PDS5A: variants seen among roughly 807,000 people sequenced by gnomAD.
PDS5A encodes the protein sister chromatid cohesion protein PDS5 homolog A.
Under a neutral mutation model 167.1 loss-of-function variants are expected in PDS5A, and 42 were observed. The observed-to-expected ratio is 0.25, with a 90% confidence interval of 0.20 to 0.33. The LOEUF (loss-of-function observed/expected upper bound fraction) is 0.33, where lower values mean the gene tolerates loss of function less well. Ranked by LOEUF, PDS5A falls within the 10% of genes least tolerant of loss-of-function variation. PDS5A has a pLI of 1.00. For synonymous variants in PDS5A, 553 were observed against 554.6 expected (o/e 1.00, Z 0.04); for missense variants, 1,033 against 1,605.9 (o/e 0.64, Z 6.10).
chr4:39,882,120 ACT>A (rs996839420), intron 17 of PDS5A, among the ~76,000 whole-genome samples: 2 of 152,092 alleles, frequency 1.3e-5, no homozygotes, highest in African/African-American at 4.8e-5. Context: ...ACAGAGCCAG[ACT>A]CTGTCTCAAA....
chr4:39,974,429 T>C (rs1170104869), intron 2 of PDS5A: 1 of 314,226 alleles, frequency 3.2e-6, no homozygotes, highest in Non-Finnish European at 6.2e-6. Context: ...GATCCATCAA[T>C]TGTTTAAGTT....
chr4:39,835,238 C>T (rs1716282571), intron 32 of PDS5A, among the ~76,000 whole-genome samples: 1 of 152,122 alleles, frequency 6.6e-6, no homozygotes, highest in Non-Finnish European at 1.5e-5. Flanking sequence ...AGCCACCGCA[C>T]CTGGCCATAA....
chr4:39,922,234 G>A (rs529585671), intron 6 of PDS5A, among the ~76,000 whole-genome samples: 2 of 152,236 alleles, frequency 1.3e-5, no homozygotes, highest in Non-Finnish European at 2.9e-5. Context: ...CTAAGAAAAA[G>A]GTACGATACG....
chr4:39,928,200 C>A (rs1162059164), intron 2 of PDS5A, 36 bp from the exon 3 acceptor site: 3 of 1,384,742 alleles, frequency 2.2e-6, no homozygotes. Flanking sequence ...ATAATTAACT[C>A]CTGGAATTTA....
chr4:39,931,797 T>G (rs576702221), intron 2 of PDS5A, among the ~76,000 whole-genome samples: 1 of 152,118 alleles, frequency 6.6e-6, no homozygotes, highest in Non-Finnish European at 1.5e-5. Flanking sequence ...ATAAGGATCA[T>G]TCAGAGCTAT....
chr4:39,885,323 C>T (rs979980459), intron 17 of PDS5A, among the ~76,000 whole-genome samples: 5 of 147,602 alleles, frequency 3.4e-5, no homozygotes, highest in African/African-American at 1.0e-4. Flanking sequence ...AAAAAAACTT[C>T]GGCATGGTGG....
rs540144174 is a variant in PDS5A, at chr4:39,967,946, AC to A, written c.138+8493del. 4.6e-5 allele frequency among the ~76,000 whole-genome samples: 7 copies of A among 152,184 alleles called. No individual in the cohort carries two copies. The East Asian group carries it at 9.7e-4, about 21-fold the overall frequency. ...ACAAACAAACAAACAAACAAAAAAAACACCAATAATTATCAAGGCCCTCTTA... is the reference window on the plus strand; with the variant it reads ...ACAAACAAACAAACAAACAAAAAAAAACCAATAATTATCAAGGCCCTCTTA... On this transcript the variant is annotated intron_variant, in intron 2 of 32. Coordinates refer to ENST00000303538, the MANE Select transcript of PDS5A (RefSeq NM_001100399.2).
At chr4:39,955,414 C>G (rs1000144311) in intron 2 of PDS5A, among the ~76,000 whole-genome samples, 1 of 151,828 alleles carries the variant, frequency 6.6e-6, no homozygotes, top group Non-Finnish European at 1.5e-5. Flanking sequence ...CCAGCCTGAC[C>G]AACATGGTGA....
chr4:39,845,864 T>C lies in PDS5A; in HGVS notation c.3356A>G (p.Lys1119Arg). 1 of 1,388,444 alleles carries C rather than the reference T, an allele frequency of 7.2e-7. No homozygotes were observed. The allele number at this position is 1,388,444 out of a possible 1,614,324, so 86.0% of individuals were successfully genotyped here. ...TQPEKDFCND[K>R]SYISEETRVL... ...TCTTGTCTCTTCTGAAATATAACTC[T>C]TATCGTTACAGAAGTCCTATTAAAA... Residue 1119 changes from lysine (K) to arginine (R), a missense_variant, in exon 29 of 33, where the codon AAG becomes AGG. This residue lies in a region of PDS5A where 233 missense variants were observed against 264.0 expected (regional missense o/e 0.88). Transcript: ENST00000303538.
chr4:39,862,274 G>A lies in PDS5A; in HGVS notation c.3031C>T (p.His1011Tyr). ...VVPYMIHLLA[H>Y]DPDFTRSQDV... Reference sequence around the variant, plus strand: ...TGTGATCTTGTAAAATCTGGATCATGGGCTAGCAGGTGAATCATGTATGGA... The same window carrying A: ...TGTGATCTTGTAAAATCTGGATCATAGGCTAGCAGGTGAATCATGTATGGA... The change falls in exon 26 of 33, where the codon CAT becomes TAT. Residue 1011 changes from histidine to tyrosine, a missense_variant. His to Tyr is a moderately conservative substitution (Grantham distance 83, BLOSUM62 2). This residue lies in a region of PDS5A where 367 missense variants were observed against 686.7 expected (regional missense o/e 0.53). Transcript: ENST00000303538. 1 of 1,541,634 alleles carries A rather than the reference G, an allele frequency of 6.5e-7. No individual in the cohort carries two copies.
intron 16 of PDS5A, among the ~76,000 whole-genome samples, chr4:39,894,967 C>T (rs1439595738): frequency 1.3e-5 from 2 of 152,006 alleles, no homozygotes. Context: ...GTGGCTCACA[C>T]CTGTAATCCC....
chr4:39,897,010 A>C (rs1301073458), intron 16 of PDS5A, among the ~76,000 whole-genome samples: 2 of 151,882 alleles, frequency 1.3e-5, no homozygotes, highest in Admixed American at 6.6e-5. Context: ...CATCACCCTG[A>C]GTTCTGTTAT....
At chr4:39,956,171 A>G (rs1728907651) in intron 2 of PDS5A, among the ~76,000 whole-genome samples, 1 of 151,916 alleles carries the variant, frequency 6.6e-6, no homozygotes, top group African/African-American at 2.4e-5. Flanking sequence ...GTATAGAACA[A>G]TTGAGATAGC....
rs533200578 is a variant in PDS5A at position 39,875,481 on chromosome 4, T to C, written c.2154-1069A>G. ...TTTAATGTTATTAGAGAAGAGCCTATTTTATAAAGTTAGTGGCATCAAATG... is the reference window on the plus strand; with the variant it reads ...TTTAATGTTATTAGAGAAGAGCCTACTTTATAAAGTTAGTGGCATCAAATG... On this transcript the variant is annotated intron_variant, in intron 19 of 32. Transcript: ENST00000303538. Among the ~76,000 whole-genome samples the C allele has an allele frequency of 2.0e-5, 3 of 152,296 alleles. No homozygotes were observed. The South Asian group carries it at 6.2e-4, about 32-fold the overall frequency.
At chr4:39,827,067 C>T (rs192191072) in intron 32 of PDS5A, among the ~76,000 whole-genome samples, 1 of 151,692 alleles carries the variant, frequency 6.6e-6, no homozygotes, top group East Asian at 1.9e-4. Flanking sequence ...TTGGCATGAT[C>T]TCGGCTCACC....
chr4:39,947,177 G>A (rs1251742335), intron 2 of PDS5A, among the ~76,000 whole-genome samples: 1 of 152,182 alleles, frequency 6.6e-6, no homozygotes, highest in Non-Finnish European at 1.5e-5. Flanking sequence ...AACATGACCA[G>A]GCATGGTGGT....
rs748466892 is a variant in PDS5A at position 39,898,407 on chromosome 4, T to G, written c.1752A>C (p.Lys584Asn). 66 of 1,576,064 alleles carry G rather than the reference T, an allele frequency of 4.2e-5. No homozygotes were observed. The highest frequency in any genetic ancestry group is 5.7e-5 in the Non-Finnish European group (66 of 1,160,694). Reference sequence around the variant, plus strand: ...TACTAACCACACAAATATCTGCTTGTTTGCAAGAACAGGTTGGGCTAATTA... The same window carrying G: ...TACTAACCACACAAATATCTGCTTGGTTGCAAGAACAGGTTGGGCTAATTA... ...ELLISPTCSCKQADICVREIA... is the reference protein window; with the variant it reads ...ELLISPTCSCNQADICVREIA... The change falls in exon 16 of 33, where the codon AAA (lysine) becomes AAC (asparagine). Residue 584 changes from lysine to asparagine, a missense_variant. By Grantham distance (94) the Lys-to-Asn change is moderately conservative. Transcript: ENST00000303538.
chr4:39,938,902 C>T (rs763492308), intron 2 of PDS5A, among the ~76,000 whole-genome samples: 3 of 151,250 alleles, frequency 2.0e-5, no homozygotes, highest in East Asian at 2.0e-4. Flanking sequence ...CCAGGGAGTC[C>T]GAGGTTGCAG....
chr4:39,851,897 G>A (rs1718152955), intron 26 of PDS5A, among the ~76,000 whole-genome samples: 1 of 151,958 alleles, frequency 6.6e-6, no homozygotes, highest in Non-Finnish European at 1.5e-5. Context: ...AGAAGTATAG[G>A]GTCAGGATTA....
Sources: allele counts gnomAD v4.1 joint callset (sites outside exome capture counted in the v4.1 genomes callset), GRCh38; gene constraint gnomAD v4.1.1; regional missense constraint gnomAD v4.1.1; transcripts MANE v1.5; gene names NCBI Gene and HGNC (gene_info 2026-07-23, HGNC 2026-07-21).